Variants in PDE4B observed in about 807,000 individuals in gnomAD.
The protein encoded by PDE4B is 3',5'-cyclic-AMP phosphodiesterase 4B.
PDE4B carries 20 observed loss-of-function variants against 82.2 expected under a neutral mutation model. The ratio of observed to expected loss-of-function variants is 0.24; its 90% CI spans 0.17 to 0.35. The LOEUF is 0.35. Among genes scored for constraint, PDE4B ranks in the 10% least tolerant of loss-of-function variants. PDE4B has a pLI of 1.00. For synonymous variants in PDE4B, 320 were observed against 318.9 expected (o/e 1.00, Z -0.04); for missense variants, 655 against 907.2 (o/e 0.72, Z 3.57).
Position 65,793,012 on chromosome 1 carries a change from C to T in PDE4B, c.-307C>T, listed in dbSNP as rs899398901. Among the ~76,000 whole-genome samples the T allele has an allele frequency of 1.3e-5, 2 of 151,836 alleles. No individual in the cohort carries two copies. The highest frequency in any genetic ancestry group is 2.9e-5 in the Non-Finnish European group (2 of 67,928). On this transcript the variant is annotated 5_prime_UTR_variant, in exon 1 of 17. Transcript: ENST00000341517. ...CGCGCCCCCGGCCCGCGCGCCCCTT[C>T]CCGGGGCTCCTGGCCTCGCCTCAGC...
intron 3 of PDE4B, among the ~76,000 whole-genome samples, chr1:66,006,785 A>C (rs1314145351): frequency 6.6e-6 from 1 of 152,026 alleles, no homozygotes; most frequent in Non-Finnish European, 1.5e-5. Context: ...TCCTGCAATC[A>C]TGTGAAGAAG....
intron 3 of PDE4B, among the ~76,000 whole-genome samples, chr1:66,040,695 G>A (rs539462797): frequency 1.2e-4 from 18 of 152,062 alleles, no homozygotes; most frequent in African/African-American, 1.4e-4. Context: ...TGCCATGGAT[G>A]AAGTTTTAAA....
At chr1:65,957,479 G>A (rs565057852) in intron 3 of PDE4B, among the ~76,000 whole-genome samples, 5 of 151,862 alleles carry the variant, frequency 3.3e-5, no homozygotes, top group Non-Finnish European at 5.9e-5. Context: ...TATCAGTAAG[G>A]CATTTTCTCC....
intron 8 of PDE4B, among the ~76,000 whole-genome samples, chr1:66,336,569 G>C (rs927995871): frequency 6.6e-6 from 1 of 152,200 alleles, no homozygotes; most frequent in Admixed American, 6.5e-5. Context: ...CTCTGGGGCT[G>C]TTTTATATGC....
At chr1:65,912,118 T>C (rs1647099561) in intron 1 of PDE4B, among the ~76,000 whole-genome samples, 1 of 152,216 alleles carries the variant, frequency 6.6e-6, no homozygotes, top group Non-Finnish European at 1.5e-5. Context: ...TGTGAAACCA[T>C]TATATGGACT....
chr1:65,877,649 A>G (rs912788806), intron 1 of PDE4B, among the ~76,000 whole-genome samples: 3 of 151,026 alleles, frequency 2.0e-5, no homozygotes, highest in Non-Finnish European at 4.4e-5. Flanking sequence ...ATAAATAAAT[A>G]AATAAATAGT....
intron 3 of PDE4B, among the ~76,000 whole-genome samples, chr1:66,023,063 G>A (rs949269243): frequency 6.6e-6 from 1 of 152,066 alleles, no homozygotes; most frequent in Non-Finnish European, 1.5e-5. Context: ...TGTGGGGATT[G>A]TAAATGGTGA....
chr1:66,258,271 T>C (rs1481531710), intron 6 of PDE4B, among the ~76,000 whole-genome samples: 2 of 152,232 alleles, frequency 1.3e-5, no homozygotes, highest in Non-Finnish European at 2.9e-5. Flanking sequence ...TCAAGTTCAA[T>C]TTGCCTAATT....
intron 3 of PDE4B, among the ~76,000 whole-genome samples, chr1:66,115,480 AT>A (rs1348250205): frequency 1.3e-5 from 2 of 152,382 alleles, no homozygotes; most frequent in Middle Eastern, 3.4e-3. Flanking sequence ...GAATAGCATT[AT>A]TTTTATGAAT....
At chr1:65,794,932 T>A (rs1242699204) in intron 1 of PDE4B, among the ~76,000 whole-genome samples, 1 of 152,212 alleles carries the variant, frequency 6.6e-6, no homozygotes, top group Non-Finnish European at 1.5e-5. Flanking sequence ...CTTTATGGCT[T>A]GACATATTTT....
intron 3 of PDE4B, among the ~76,000 whole-genome samples, chr1:66,110,553 A>C (rs1645464063): frequency 6.6e-6 from 1 of 152,078 alleles, no homozygotes. Context: ...GGATATTACT[A>C]AAGGAGGTAG....
chr1:66,126,529 A>C (rs576205715), intron 3 of PDE4B, among the ~76,000 whole-genome samples: 1 of 152,214 alleles, frequency 6.6e-6, no homozygotes, highest in Non-Finnish European at 1.5e-5. Context: ...GAAAACCTAG[A>C]ACAAAAAGTA....
intron 3 of PDE4B, among the ~76,000 whole-genome samples, chr1:66,023,852 A>ACTGTATGGAGATCTGT (rs200915224): frequency 0.021 from 3,197 of 151,986 alleles, 113 homozygotes; most frequent in African/African-American, 0.073. Flanking sequence ...TATTTAGGGC[A>ACTGTATGGAGATCTGT]CTCTTGATTT....
At chr1:66,057,193 T>C (rs1655348855) in intron 3 of PDE4B, among the ~76,000 whole-genome samples, 1 of 152,210 alleles carries the variant, frequency 6.6e-6, no homozygotes, top group South Asian at 2.1e-4. Context: ...AAAGGATATT[T>C]ACTGAGCACT....
chr1:65,890,805 C>T (rs1258042779), intron 1 of PDE4B, among the ~76,000 whole-genome samples: 1 of 152,004 alleles, frequency 6.6e-6, no homozygotes, highest in Non-Finnish European at 1.5e-5. Flanking sequence ...TCTATATCCT[C>T]AGTTTGAAAA....
intron 3 of PDE4B, among the ~76,000 whole-genome samples, chr1:66,088,443 TCTGC>T (rs1407803728): frequency 6.6e-6 from 1 of 152,052 alleles, no homozygotes; most frequent in Non-Finnish European, 1.5e-5. Flanking sequence ...TAATTATTGG[TCTGC>T]CTGAATCATG....
At chr1:65,825,852 TA>T (rs1207532359) in intron 1 of PDE4B, among the ~76,000 whole-genome samples, 6 of 152,098 alleles carry the variant, frequency 3.9e-5, no homozygotes, top group Non-Finnish European at 4.4e-5. Context: ...TTTTTTTCTT[TA>T]AAAACAACTT....
At chr1:66,335,957 C>T (rs1557708368) in intron 8 of PDE4B, among the ~76,000 whole-genome samples, 1 of 152,158 alleles carries the variant, frequency 6.6e-6, no homozygotes, top group Non-Finnish European at 1.5e-5. Flanking sequence ...GCATGAGTTC[C>T]TCAGTGGCAA....
chr1:66,246,241 T>C (rs1653302109), intron 3 of PDE4B, among the ~76,000 whole-genome samples: 1 of 152,126 alleles, frequency 6.6e-6, no homozygotes. Context: ...CTTCACAGGG[T>C]TGTTAGGAGT....
Sources: gnomAD v4.1 joint callset for allele counts (sites outside exome capture counted in the v4.1 genomes callset) on GRCh38, gnomAD v4.1.1 for gene constraint, MANE v1.5 for transcripts, NCBI Gene and HGNC (gene_info 2026-07-23, HGNC 2026-07-21) for gene names.